ADCY3: variants seen among roughly 807,000 people sequenced by gnomAD.
ADCY3 encodes the protein adenylate cyclase 3.
Under a neutral mutation model 119.4 loss-of-function variants are expected in ADCY3, and 70 were observed. That is an observed-to-expected ratio of 0.59 (90% CI 0.48 to 0.72). The LOEUF (loss-of-function observed/expected upper bound fraction) is 0.72, where lower values mean the gene tolerates loss of function less well. ADCY3 is among the 30% of genes least tolerant of loss of function. ADCY3 has a pLI of 0.00. For synonymous variants in ADCY3, 672 were observed against 621.4 expected, an observed-to-expected ratio of 1.08 and a Z score of -1.21; for missense variants, 1,238 against 1,541.6, an observed-to-expected ratio of 0.80 and a Z score of 3.30.
At position 24,827,912 on chromosome 2, in the gene ADCY3, G is replaced by A. The variant is rs758279809; in HGVS notation, c.2422C>T (p.Arg808Trp). The change falls in exon 14 of 22, where the codon CGG (arginine) becomes TGG (tryptophan). Residue 808 changes from arginine to tryptophan, a missense_variant. Coordinates refer to ENST00000679454, the MANE Select transcript of ADCY3 (RefSeq NM_004036.5). ...VFDEYDHKRFREHDLPMVALE... is the reference protein window; with the variant it reads ...VFDEYDHKRFWEHDLPMVALE... ...CACGCTTCATCTTACTCGTGCTCCC[G>A]AAAACGCTTGTGGTCGTATTCATCA... 6 of 1,614,114 alleles carry A rather than the reference G, an allele frequency of 3.7e-6. No homozygotes were observed. Among genetic ancestry groups the A allele is most frequent in the Non-Finnish European group, 5.1e-6 (6 of 1,180,010 alleles).
intron 6 of ADCY3, 62 bp from the exon 7 acceptor site, chr2:24,840,093 C>A: frequency 6.4e-7 from 1 of 1,555,550 alleles, no homozygotes; most frequent in African/African-American, 1.4e-5. Flanking sequence ...CCAGCTGCCC[C>A]TGCTCCTGCA....
intron 13 of ADCY3, among the ~76,000 whole-genome samples, chr2:24,828,608 TG>T (rs575107128): frequency 2.6e-5 from 4 of 152,174 alleles, no homozygotes; most frequent in Non-Finnish European, 5.9e-5. Context: ...ATCCTTCCAT[TG>T]GGGGGATGTT....
At chr2:24,909,812 C>A (rs898916748) in intron 2 of ADCY3, among the ~76,000 whole-genome samples, 5 of 152,212 alleles carry the variant, frequency 3.3e-5, no homozygotes, top group African/African-American at 1.2e-4. Context: ...CAGCTGCTAT[C>A]AATTCATTCC....
chr2:24,827,905 T>C lies in ADCY3; in HGVS notation c.2429A>G (p.His810Arg), dbSNP rs1172748897. 3.7e-6 allele frequency: 6 copies of C among 1,614,040 alleles called. No individual in the cohort carries two copies. Among genetic ancestry groups the C allele is most frequent in the Non-Finnish European group, 5.1e-6 (6 of 1,179,976 alleles). ...CCCCAGTCACGCTTCATCTTACTCGTGCTCCCGAAAACGCTTGTGGTCGTA... is the reference window on the plus strand; with the variant it reads ...CCCCAGTCACGCTTCATCTTACTCGCGCTCCCGAAAACGCTTGTGGTCGTA... ...DEYDHKRFRE[H>R]DLPMVALEQM... The change falls in exon 14 of 22, where the codon CAC becomes CGC. Residue 810 changes from histidine (H) to arginine (R), a missense_variant. His to Arg is a conservative substitution (Grantham distance 29). Around this residue, in one of 7 missense-constraint regions of ADCY3, gnomAD observed 499 missense variants for 571.0 expected, o/e 0.87. Transcript: ENST00000679454.
Position 24,899,445 on chromosome 2 carries a change from C to G in ADCY3, c.675+18868G>C, listed in dbSNP as rs1678667198. 6.6e-6 allele frequency among the ~76,000 whole-genome samples: 1 copy of G among 152,266 alleles called. No individual in the cohort carries two copies. Among genetic ancestry groups the G allele is most frequent in the African/African-American group, 2.4e-5 (1 of 41,472 alleles). ...CACCCCAGCCACCTCTGCCACCAGC[C>G]TGCCAGGCAAAACTGTCCCTGGATT... is the stretch of plus-strand genomic sequence containing the variant. On this transcript the variant is annotated intron_variant, in intron 2 of 21. Coordinates refer to ENST00000679454, the MANE Select transcript of ADCY3 (RefSeq NM_004036.5). The surrounding 1 kb of genome is among the most constrained non-coding windows in gnomAD (Gnocchi z 4.5).
intron 2 of ADCY3, among the ~76,000 whole-genome samples, chr2:24,897,670 G>T (rs1678438042): frequency 6.6e-6 from 1 of 152,202 alleles, no homozygotes; most frequent in African/African-American, 2.4e-5. Flanking sequence ...TCTCTCATCA[G>T]TTTATGGGGA....
intron 2 of ADCY3, among the ~76,000 whole-genome samples, chr2:24,906,907 G>A (rs547267890): frequency 1.7e-4 from 26 of 152,222 alleles, no homozygotes; most frequent in African/African-American, 6.0e-4. Flanking sequence ...GAGGCAGGTG[G>A]ATCACTTGAG....
chr2:24,834,510 G>A lies in ADCY3; in HGVS notation c.1942C>T (p.Leu648=). ...CSCVVLLCTA[L]VEILIDPWLM... ...CAGGGGTCGATGAGTATCTCGACCA[G>A]GGCCGTGCAGAGCAGGACGACGCAG... Residue 648 remains leucine (L), a synonymous_variant, in exon 11 of 22, where the codon CTG becomes TTG. Transcript: ENST00000679454. The surrounding 1 kb of genome is among the most constrained non-coding windows in gnomAD (Gnocchi z 4.2). 2 of 1,613,098 alleles carry A rather than the reference G, an allele frequency of 1.2e-6. No individual in the cohort carries two copies.
chr2:24,904,830 A>G (rs1380203254), intron 2 of ADCY3, among the ~76,000 whole-genome samples: 2 of 151,898 alleles, frequency 1.3e-5, no homozygotes, highest in Non-Finnish European at 2.9e-5. Context: ...TAGTAGAGAC[A>G]GGGTTGCACC....
chr2:24,887,703 C>G (rs992449236), intron 2 of ADCY3, among the ~76,000 whole-genome samples: 2 of 152,126 alleles, frequency 1.3e-5, no homozygotes, highest in Non-Finnish European at 2.9e-5. Flanking sequence ...GAATGCAGCT[C>G]CAAACTCAGG....
intron 2 of ADCY3, among the ~76,000 whole-genome samples, chr2:24,877,746 G>A (rs865934817): frequency 7.9e-5 from 12 of 152,192 alleles, no homozygotes; most frequent in African/African-American, 9.7e-5. Flanking sequence ...CAGGGCTCCC[G>A]CTCAAAGTGT....
At chr2:24,837,665 G>A (rs916172927) in intron 8 of ADCY3, among the ~76,000 whole-genome samples, 2 of 152,180 alleles carry the variant, frequency 1.3e-5, no homozygotes, top group South Asian at 4.1e-4. Flanking sequence ...TTTGACATGA[G>A]ATTACAAAAA....
chr2:24,887,359 C>T (rs1214028450), intron 2 of ADCY3, among the ~76,000 whole-genome samples: 1 of 152,114 alleles, frequency 6.6e-6, no homozygotes, highest in Non-Finnish European at 1.5e-5. Flanking sequence ...TGGGTGGGGA[C>T]GCAAAGCCTA....
chr2:24,820,155 GAGCCTAGACTGAGGGC>G, intron 21 of ADCY3, 41 bp from the exon 22 acceptor site: 1 of 1,297,546 alleles, frequency 7.7e-7, no homozygotes, highest in Non-Finnish European at 1.0e-6. Flanking sequence ...GTTACGGGGG[GAGCCTAGACTGAGGGC>G]GGGTGGGGGC....
At chr2:24,897,248 C>A (rs1678394112) in intron 2 of ADCY3, among the ~76,000 whole-genome samples, 1 of 151,616 alleles carries the variant, frequency 6.6e-6, no homozygotes, top group Non-Finnish European at 1.5e-5. Flanking sequence ...TCTCCTTTTT[C>A]TCCTCCTCCC....
At chr2:24,827,871 A>C in intron 14 of ADCY3, 31 bp downstream of exon 14, 1 of 1,612,484 alleles carries the variant, frequency 6.2e-7, no homozygotes, top group African/African-American at 1.3e-5. Context: ...GGAAGGAGAC[A>C]ATACAGATCC....
rs565569308 is a variant in ADCY3 at position 24,860,701 on chromosome 2, G to A, written c.825+11869C>T. ...ATGCCTGTGCTTGAGGGACTGTGCC[G>A]CCTCACCCTCCTGGACCATGGCTGG... On this transcript the variant is annotated intron_variant, in intron 3 of 21. Coordinates refer to ENST00000679454, the MANE Select transcript of ADCY3 (RefSeq NM_004036.5). 1.8e-4 allele frequency among the ~76,000 whole-genome samples: 27 copies of A among 152,324 alleles called. No homozygotes were observed. The South Asian group carries it at 2.5e-3, about 14-fold the overall frequency.
At chr2:24,865,251 C>G (rs1035372419) in intron 3 of ADCY3, among the ~76,000 whole-genome samples, 2 of 152,024 alleles carry the variant, frequency 1.3e-5, no homozygotes, top group African/African-American at 4.8e-5. Flanking sequence ...TCAAGACCAG[C>G]CTGGCCAACG....
chr2:24,914,246 G>A (rs1316714469), intron 2 of ADCY3, among the ~76,000 whole-genome samples: 1 of 152,230 alleles, frequency 6.6e-6, no homozygotes, highest in East Asian at 1.9e-4. Flanking sequence ...GGGACCCATG[G>A]AGCAGCAATC....
Sources: gnomAD v4.1 joint callset for allele counts (sites outside exome capture counted in the v4.1 genomes callset) on GRCh38, gnomAD v4.1.1 for gene constraint, gnomAD v4.1.1 regional missense constraint, Gnocchi (gnomAD v3.1) non-coding constraint, MANE v1.5 for transcripts, NCBI Gene and HGNC (gene_info 2026-07-23, HGNC 2026-07-21) for gene names.